TMEM182: variants seen among roughly 807,000 people sequenced by gnomAD.
The protein encoded by TMEM182 is transmembrane protein 182.
A neutral mutation model predicts 26.8 loss-of-function variants in TMEM182; 20 were observed. That is an observed-to-expected ratio of 0.75 (90% confidence interval 0.53 to 1.09). TMEM182 has a LOEUF of 1.09. Ranked by LOEUF, TMEM182 falls within the 50% of genes least tolerant of loss-of-function variation. TMEM182 has a pLI of 0.00. For missense variants in TMEM182, 277 were observed against 275.5 expected, an observed-to-expected ratio of 1.01 and a Z score of -0.04; for synonymous variants, 109 against 102.2, an observed-to-expected ratio of 1.07 and a Z score of -0.40.
At position 102,762,108 on chromosome 2, in the gene TMEM182, T is replaced by C; in HGVS notation, c.-110T>C. ...GCCTTCTCAAGAAGATTCTGCCAAC[T>C]CAAAAATATTATTCTTTTTTTTTTT... On this transcript the variant is annotated 5_prime_UTR_variant, in exon 1 of 5. Transcript: ENST00000412401. The C allele has an allele frequency of 1.0e-6, 1 of 997,774 alleles. No individual in the cohort carries two copies. Among genetic ancestry groups the C allele is most frequent in the Non-Finnish European group, 1.4e-6 (1 of 701,048 alleles). 61.8% of individuals were successfully genotyped at this position (997,774 alleles called of 1,614,324 possible). A position where few individuals can be genotyped will look rare whatever the true frequency, so the allele number is the denominator to read the frequency against.
downstream of TMEM182, among the ~76,000 whole-genome samples, chr2:102,822,094 A>G (rs1256854761): frequency 1.3e-5 from 2 of 152,228 alleles, no homozygotes; most frequent in Non-Finnish European, 2.9e-5. Flanking sequence ...CAAAACATCA[A>G]GTATACCCCC....
chr2:102,824,093 G>A (rs1682982472), intron 3 of TMEM182, among the ~76,000 whole-genome samples: 1 of 151,820 alleles, frequency 6.6e-6, no homozygotes, highest in Non-Finnish European at 1.5e-5. Flanking sequence ...TTCCTGTATT[G>A]AATTTTTTAT....
intron 3 of TMEM182, among the ~76,000 whole-genome samples, chr2:102,838,727 T>TG (rs1197474493): frequency 2.0e-5 from 3 of 152,080 alleles, no homozygotes; most frequent in Admixed American, 6.6e-5. Flanking sequence ...TGGGGTTCTG[T>TG]GGGGTAATTG....
intron 3 of TMEM182, chr2:102,834,305 C>A: frequency 1.2e-6 from 1 of 830,780 alleles, no homozygotes; most frequent in Non-Finnish European, 1.5e-6. Flanking sequence ...AAAAAACCCT[C>A]ATCCATTTAC....
chr2:102,824,633 G>C (rs1682995812), intron 3 of TMEM182, among the ~76,000 whole-genome samples: 1 of 152,046 alleles, frequency 6.6e-6, no homozygotes, highest in Non-Finnish European at 1.5e-5. Context: ...GACCATCCTG[G>C]CCAACACAGT....
chr2:102,791,957 A>G (rs1681660817), intron 3 of TMEM182, among the ~76,000 whole-genome samples: 1 of 151,808 alleles, frequency 6.6e-6, no homozygotes, highest in Non-Finnish European at 1.5e-5. Flanking sequence ...TCACTAACCA[A>G]ACAAAAATAT....
At chr2:102,768,916 A>G (rs1207392133) in intron 3 of TMEM182, among the ~76,000 whole-genome samples, 5 of 152,036 alleles carry the variant, frequency 3.3e-5, no homozygotes, top group Admixed American at 6.6e-5. Flanking sequence ...TTGGCAATGC[A>G]TTAGGCTGCA....
At chr2:102,753,366 A>T (rs922087681) in intron 1 of TMEM182, among the ~76,000 whole-genome samples, 2 of 152,194 alleles carry the variant, frequency 1.3e-5, no homozygotes, top group Non-Finnish European at 2.9e-5. Context: ...TTAAATAAGC[A>T]TAAACTGCCT....
chr2:102,786,817 C>G (rs1266632891), intron 3 of TMEM182, among the ~76,000 whole-genome samples: 1 of 152,150 alleles, frequency 6.6e-6, no homozygotes. Context: ...AAAGCTTCCA[C>G]TGGGTTTAGA....
chr2:102,794,137 A>G (rs866005589), intron 3 of TMEM182, among the ~76,000 whole-genome samples: 1 of 152,180 alleles, frequency 6.6e-6, no homozygotes, highest in East Asian at 1.9e-4. Flanking sequence ...CTTCACATAC[A>G]TTGTAAGTCA....
At chr2:102,757,102 G>T (rs1680063441), upstream of TMEM182, among the ~76,000 whole-genome samples, 1 of 152,118 alleles carries the variant, frequency 6.6e-6, no homozygotes, top group South Asian at 2.1e-4. Context: ...GAGCCACCGG[G>T]CCTGGCCAAA....
chr2:102,747,004 A>C (rs73944411), intron 1 of TMEM182, among the ~76,000 whole-genome samples: 2,863 of 152,326 alleles, frequency 0.019, 71 homozygotes, highest in African/African-American at 0.065. Context: ...TTTAGGACAA[A>C]TTACTTAGAC....
intron 1 of TMEM182, among the ~76,000 whole-genome samples, chr2:102,747,233 G>T (rs1014748422): frequency 1.3e-5 from 2 of 152,116 alleles, no homozygotes; most frequent in Non-Finnish European, 2.9e-5. Context: ...TTGGAGATGA[G>T]TCCTTCCTTT....
rs995197737 is a variant in TMEM182 at position 102,839,852 on chromosome 2, A to G, written c.326-3560A>G. ...AGCCCAGCAATTCTACAAGGGAAGC[A>G]CAGAAGGTTAGAGGATCCCTGATTG... is the stretch of plus-strand genomic sequence containing the variant. On this transcript the variant is annotated intron_variant, in intron 3 of 3. Transcript: ENST00000486293. 2.6e-5 allele frequency among the ~76,000 whole-genome samples: 4 copies of G among 152,190 alleles called. No individual in the cohort carries two copies. The South Asian group carries it at 8.3e-4, about 32-fold the overall frequency.
chr2:102,794,226 G>T (rs1268984200), intron 3 of TMEM182, among the ~76,000 whole-genome samples: 1 of 152,114 alleles, frequency 6.6e-6, no homozygotes, highest in Non-Finnish European at 1.5e-5. Flanking sequence ...TTCAGTAACT[G>T]GTCCAAAGTT....
At chr2:102,764,472 T>C in intron 3 of TMEM182, 45 bp downstream of exon 3, 1 of 1,526,550 alleles carries the variant, frequency 6.6e-7, no homozygotes. Flanking sequence ...GGGTCTTATC[T>C]TTCTGAAGGA....
chr2:102,746,994 T>G (rs1679718754), intron 1 of TMEM182, among the ~76,000 whole-genome samples: 1 of 152,212 alleles, frequency 6.6e-6, no homozygotes, highest in African/African-American at 2.4e-5. Flanking sequence ...GCTTTATGCC[T>G]TTAGGACAAA....
upstream of TMEM182, chr2:102,758,264 T>C (rs1680106844): frequency 2.0e-6 from 1 of 510,898 alleles, no homozygotes; most frequent in South Asian, 3.1e-5. Context: ...AGAACCTATG[T>C]CTCAGTTTGT....
intron 3 of TMEM182, among the ~76,000 whole-genome samples, chr2:102,792,813 G>T (rs1466603536): frequency 6.6e-6 from 1 of 152,162 alleles, no homozygotes; most frequent in Non-Finnish European, 1.5e-5. Flanking sequence ...ATCTGTGGTT[G>T]TACAGGGGAT....
Sources: gnomAD v4.1 joint callset for allele counts (sites outside exome capture counted in the v4.1 genomes callset) on GRCh38, gnomAD v4.1.1 for gene constraint, MANE v1.5 for transcripts, NCBI Gene and HGNC (gene_info 2026-07-23, HGNC 2026-07-21) for gene names.